The following TSPAN1 variants were observed in gnomAD, a reference collection of about 807,000 sequenced individuals.
The protein encoded by TSPAN1 is tetraspanin 1.
Under a neutral mutation model 26.9 loss-of-function variants are expected in TSPAN1, and 23 were observed. The observed-to-expected ratio is 0.85, with a 90% CI of 0.62 to 1.21. TSPAN1 has a LOEUF of 1.21. TSPAN1 is among the 50% of genes most tolerant of loss of function. TSPAN1 has a pLI of 0.00. For synonymous variants in TSPAN1, 115 were observed against 114.8 expected (o/e 1.00, Z -0.01); for missense variants, 283 against 298.4 (o/e 0.95, Z 0.38).
At position 46,177,900 on chromosome 1, in the gene TSPAN1, C is replaced by T. The variant is rs201663953; in HGVS notation, c.-142+2491C>T. On this transcript the variant is annotated intron_variant, in intron 1 of 8. Transcript: ENST00000372003. ...TGAGGTGAAGTCACACAATTAGAGG[C>T]AGGCAGGAAGCAAATCCATGATGAT... 3.3e-5 allele frequency among the ~76,000 whole-genome samples: 5 copies of T among 152,290 alleles called. No homozygotes were observed. In the East Asian group the frequency reaches 9.6e-4, roughly 29 times the overall value.
the TSPAN1 span, chr1:46,194,914 C>T: frequency 1.2e-6 from 2 of 1,614,150 alleles, no homozygotes; most frequent in Admixed American, 1.7e-5. Flanking sequence ...TGCCCAGGCT[C>T]CTCAGCAGAG....
intron 1 of TSPAN1, chr1:46,175,872 GTT>G (rs34832129): frequency 4.8e-3 from 1,461 of 306,876 alleles, no homozygotes; most frequent in Non-Finnish European, 6.3e-3. Flanking sequence ...ACTGGCTCTG[GTT>G]TTTTTTTTTT....
chr1:46,194,738 C>T, the TSPAN1 span: 1 of 1,613,992 alleles, frequency 6.2e-7, no homozygotes, highest in Non-Finnish European at 8.5e-7. Flanking sequence ...TTCATCCAAC[C>T]CACTGCCACT....
chr1:46,188,845 A>G, downstream of TSPAN1: 1 of 1,612,924 alleles, frequency 6.2e-7, no homozygotes, highest in Non-Finnish European at 8.5e-7. Context: ...GGTTGGGCAC[A>G]GCAGTTTCCT....
downstream of TSPAN1, chr1:46,189,484 C>G (rs560257803): frequency 1.2e-6 from 2 of 1,613,194 alleles, no homozygotes; most frequent in East Asian, 2.2e-5. Context: ...GGACCCCCAC[C>G]ATCAGGAAGT....
At chr1:46,176,244 C>G (rs1361105042) in intron 1 of TSPAN1, 2 of 1,535,738 alleles carry the variant, frequency 1.3e-6, no homozygotes, top group East Asian at 4.9e-5. Flanking sequence ...GTGGGAAGAT[C>G]CACACTATGG....
intron 1 of TSPAN1, among the ~76,000 whole-genome samples, chr1:46,177,510 G>T (rs1553161692): frequency 6.6e-6 from 1 of 152,068 alleles, no homozygotes; most frequent in Non-Finnish European, 1.5e-5. Flanking sequence ...CTTGCACTTA[G>T]AAAGACTAGA....
chr1:46,192,242 G>A, the TSPAN1 span: 4 of 1,614,174 alleles, frequency 2.5e-6, no homozygotes, highest in Middle Eastern at 1.6e-4. Context: ...CATGGACCAC[G>A]ATGAAGGTTA....
chr1:46,194,683 G>A, the TSPAN1 span: 7 of 1,614,154 alleles, frequency 4.3e-6, no homozygotes, highest in Non-Finnish European at 5.9e-6. Flanking sequence ...GGCCATGGGG[G>A]CCCAGACACC....
intron 1 of TSPAN1, among the ~76,000 whole-genome samples, chr1:46,178,369 T>A (rs1295238700): frequency 7.4e-6 from 1 of 135,800 alleles, no homozygotes; most frequent in African/African-American, 2.6e-5. Flanking sequence ...AAAAAAAAAA[T>A]AGACCTTCTC....
At chr1:46,193,656 T>TA in the TSPAN1 span, 3 of 1,614,006 alleles carry the variant, frequency 1.9e-6, no homozygotes, top group South Asian at 3.3e-5. Context: ...AGCCCAGGGA[T>TA]AGGTTAGGGT....
intron 6 of TSPAN1, 36 bp from the exon 7 acceptor site, chr1:46,184,924 A>G (rs1169550699): frequency 1.6e-5 from 26 of 1,614,102 alleles, no homozygotes; most frequent in Non-Finnish European, 2.2e-5. Context: ...GAGAGAAAGA[A>G]GCAAGGCCCC....
downstream of TSPAN1, chr1:46,190,293 C>T: frequency 2.5e-6 from 2 of 815,392 alleles, no homozygotes; most frequent in Non-Finnish European, 4.1e-6. Flanking sequence ...ATCCACCCAC[C>T]TCGGCCTCCC....
At chr1:46,194,297 G>A in the TSPAN1 span, 2 of 1,614,212 alleles carry the variant, frequency 1.2e-6, no homozygotes, top group Non-Finnish European at 1.7e-6. Flanking sequence ...AACTCGATGG[G>A]TGTGGGGTCC....
At chr1:46,194,284 C>A in the TSPAN1 span, 1 of 1,614,066 alleles carries the variant, frequency 6.2e-7, no homozygotes, top group South Asian at 1.1e-5. Context: ...TGGGTCAGGG[C>A]TGAACTCGAT....
chr1:46,195,933 G>A, the TSPAN1 span: 22 of 1,614,010 alleles, frequency 1.4e-5, no homozygotes, highest in East Asian at 4.5e-4. Flanking sequence ...CCCTGGCAGG[G>A]GATATACTTC....
At chr1:46,180,107 C>T (rs770068583) in intron 1 of TSPAN1, among the ~76,000 whole-genome samples, 10 of 152,162 alleles carry the variant, frequency 6.6e-5, no homozygotes, top group Admixed American at 1.3e-4. Context: ...TGCGCACGGA[C>T]GCACACACAC....
chr1:46,178,012 A>G (rs1448059371), intron 1 of TSPAN1, among the ~76,000 whole-genome samples: 1 of 152,172 alleles, frequency 6.6e-6, no homozygotes, highest in Non-Finnish European at 1.5e-5. Flanking sequence ...TTATGTGCCA[A>G]GCACCAGGGC....
downstream of TSPAN1, chr1:46,189,329 T>C (rs757749808): frequency 2.5e-5 from 41 of 1,613,538 alleles, no homozygotes; most frequent in East Asian, 1.1e-4. Context: ...TCCAGGAAAA[T>C]TGGGGTGACT....
Sources: allele counts gnomAD v4.1 joint callset (sites outside exome capture counted in the v4.1 genomes callset), GRCh38; gene constraint gnomAD v4.1.1; transcripts MANE v1.5; gene names NCBI Gene and HGNC (gene_info 2026-07-23, HGNC 2026-07-21).